ZNF600: variants seen among roughly 807,000 people sequenced by gnomAD.
ZNF600 encodes the protein zinc finger protein 600.
ZNF600 carries 4 observed loss-of-function variants against 7.3 expected under a neutral mutation model. The ratio of observed to expected loss-of-function variants is 0.55; its 90% CI spans 0.27 to 1.25. The LOEUF is 1.25. Among genes scored for constraint, ZNF600 ranks in the 50% most tolerant of loss-of-function variants. ZNF600 has a pLI of 0.12. For synonymous variants in ZNF600, 290 were observed against 308.9 expected, an observed-to-expected ratio of 0.94 and a Z score of 0.64; for missense variants, 911 against 922.1, an observed-to-expected ratio of 0.99 and a Z score of 0.16.
chr19:52,810,107 G>A, the ZNF600 span: 9 of 803,136 alleles, frequency 1.1e-5, no homozygotes, highest in Admixed American at 1.9e-5. Flanking sequence ...GCAGCCAAGA[G>A]GAGGGGGAGG....
At chr19:52,795,914 A>G in the ZNF600 span, among the ~76,000 whole-genome samples, 2 of 146,650 alleles carry the variant, frequency 1.4e-5, no homozygotes, top group Non-Finnish European at 3.0e-5. Flanking sequence ...GTGGCTCATG[A>G]CTGTAATCCC....
At chr19:52,774,956 AG>A (rs1444628564) in intron 2 of ZNF600, among the ~76,000 whole-genome samples, 9 of 152,182 alleles carry the variant, frequency 5.9e-5, no homozygotes, top group Non-Finnish European at 5.9e-5. Context: ...AAGGAAACAC[AG>A]GGCCAGGCAT....
At chr19:52,770,829 TTTTC>T (rs908849152) in intron 3 of ZNF600, among the ~76,000 whole-genome samples, 3 of 152,092 alleles carry the variant, frequency 2.0e-5, no homozygotes, top group African/African-American at 4.8e-5. Context: ...TAATTGTATT[TTTTC>T]TTTCTTTATC....
chr19:52,779,000 G>T, intron 1 of ZNF600, 93 bp from the exon 4 acceptor site: 4 of 1,194,566 alleles, frequency 3.3e-6, no homozygotes, highest in Admixed American at 5.0e-5. Flanking sequence ...TCACCCAGCA[G>T]AAAGAAGTCC....
the ZNF600 span, among the ~76,000 whole-genome samples, chr19:52,828,833 AG>A: frequency 6.6e-6 from 1 of 152,154 alleles, no homozygotes; most frequent in Admixed American, 6.6e-5. Context: ...CTCATGAATA[AG>A]ACCAGTGCCT....
chr19:52,791,141 T>A (rs1377281495), upstream of ZNF600, among the ~76,000 whole-genome samples: 2 of 152,256 alleles, frequency 1.3e-5, no homozygotes, highest in African/African-American at 4.8e-5. Context: ...AGTATATGTT[T>A]CATATGTGGT....
At chr19:52,816,702 C>T in the ZNF600 span, among the ~76,000 whole-genome samples, 1 of 150,898 alleles carries the variant, frequency 6.6e-6, no homozygotes. Context: ...GATGGTGGCG[C>T]GCACCTATAA....
chr19:52,766,396 C>T (rs1482617638), exon 4 of ZNF600: 1 of 1,611,322 alleles, frequency 6.2e-7, no homozygotes, highest in East Asian at 2.2e-5. Flanking sequence ...AGGGTTGATC[C>T]ACAACTGAAA....
rs555443833 is a variant in ZNF600, at chr19:52,779,650, A to C, written c.-19-743T>G. Among the ~76,000 whole-genome samples, 3 of 152,192 alleles carry C rather than the reference A, an allele frequency of 2.0e-5. No homozygotes were observed. In the South Asian group the frequency reaches 6.2e-4, roughly 32 times the overall value. ...AGCAAAAGGGAGAAGTCAAGCTGGG[A>C]ACTGCTTAGTGAGCCAGACTCCCCT... On this transcript the variant is annotated intron_variant, in intron 1 of 3. Transcript: ENST00000648973.
At chr19:52,782,819 G>A (rs1223596957) in intron 1 of ZNF600, among the ~76,000 whole-genome samples, 1 of 151,934 alleles carries the variant, frequency 6.6e-6, no homozygotes, top group African/African-American at 2.4e-5. Flanking sequence ...AGGTTGCAGT[G>A]AGTAAAGATC....
chr19:52,768,785 G>C (rs2062609308), intron 3 of ZNF600, among the ~76,000 whole-genome samples: 1 of 152,038 alleles, frequency 6.6e-6, no homozygotes, highest in Non-Finnish European at 1.5e-5. Context: ...GAGGGCACAA[G>C]CTGTTCCAAT....
At chr19:52,776,037 A>AAAGGC (rs1300668536) in intron 2 of ZNF600, among the ~76,000 whole-genome samples, 3 of 146,438 alleles carry the variant, frequency 2.0e-5, no homozygotes. Flanking sequence ...AAAAACTGTT[A>AAAGGC]TGATGACAGC....
At chr19:52,768,122 A>T (rs2062603637) in intron 3 of ZNF600, among the ~76,000 whole-genome samples, 1 of 152,112 alleles carries the variant, frequency 6.6e-6, no homozygotes, top group African/African-American at 2.4e-5. Context: ...TATATTTTTC[A>T]TATTTAAACC....
chr19:52,775,154 C>T (rs2062663843), intron 2 of ZNF600, among the ~76,000 whole-genome samples: 1 of 152,082 alleles, frequency 6.6e-6, no homozygotes, highest in Non-Finnish European at 1.5e-5. Flanking sequence ...GCAGGAGAAT[C>T]ACTTGAACCC....
the ZNF600 span, among the ~76,000 whole-genome samples, chr19:52,815,308 G>A: frequency 1.3e-4 from 18 of 143,718 alleles, no homozygotes; most frequent in South Asian, 2.4e-4. Flanking sequence ...CTGAAGACAG[G>A]AGTTCAACAT....
At chr19:52,801,693 G>C in the ZNF600 span, 1 of 1,610,868 alleles carries the variant, frequency 6.2e-7, no homozygotes, top group Non-Finnish European at 8.5e-7. Flanking sequence ...CATGCATTTG[G>C]AAGAGATATC....
the ZNF600 span, among the ~76,000 whole-genome samples, chr19:52,821,926 A>T: frequency 0.15 from 13,870 of 94,240 alleles, 1,045 homozygotes; most frequent in Admixed American, 0.31. Context: ...AAAAATAAAA[A>T]AATAATAAAA....
the ZNF600 span, among the ~76,000 whole-genome samples, chr19:52,812,671 T>C: frequency 7.4e-6 from 1 of 135,054 alleles, no homozygotes; most frequent in South Asian, 2.5e-4. Flanking sequence ...CAGAGACCTT[T>C]GTTCACTTGT....
At chr19:52,800,152 G>A in the ZNF600 span, 25 of 1,613,776 alleles carry the variant, frequency 1.5e-5, no homozygotes, top group African/African-American at 3.1e-4. Flanking sequence ...CTTTCCATGT[G>A]TGATTTGCGA....
Sources: allele counts gnomAD v4.1 joint callset (sites outside exome capture counted in the v4.1 genomes callset), GRCh38; gene constraint gnomAD v4.1.1; transcripts MANE v1.5; gene names NCBI Gene and HGNC (gene_info 2026-07-23, HGNC 2026-07-21).